CDH4: variants seen among roughly 807,000 people sequenced by gnomAD.
The protein encoded by CDH4 is cadherin-4.
A neutral mutation model predicts 86.0 loss-of-function variants in CDH4; 33 were observed. The observed-to-expected ratio is 0.38, with a 90% CI of 0.29 to 0.51. The LOEUF is 0.51. Among genes scored for constraint, CDH4 ranks in the 20% least tolerant of loss-of-function variants. CDH4 has a pLI of 0.86. For missense variants in CDH4, 1,114 were observed against 1,307.4 expected, an observed-to-expected ratio of 0.85 and a Z score of 2.28; for synonymous variants, 555 against 549.4, an observed-to-expected ratio of 1.01 and a Z score of -0.14.
At chr20:61,398,511 TAGG>T (rs1568829402) in intron 2 of CDH4, among the ~76,000 whole-genome samples, 1 of 151,928 alleles carries the variant, frequency 6.6e-6, no homozygotes, top group Non-Finnish European at 1.5e-5. Context: ...GGCTGATGGG[TAGG>T]AGGAGACCAG....
At chr20:61,774,610 C>T (rs978497547) in intron 4 of CDH4, among the ~76,000 whole-genome samples, 1 of 152,208 alleles carries the variant, frequency 6.6e-6, no homozygotes, top group Non-Finnish European at 1.5e-5. Flanking sequence ...TTTGCTGCCC[C>T]TGTCAACCCA....
At chr20:61,317,193 A>G (rs2084481457) in intron 2 of CDH4, among the ~76,000 whole-genome samples, 2 of 152,076 alleles carry the variant, frequency 1.3e-5, no homozygotes, top group African/African-American at 4.8e-5. Context: ...CCTGGCTAAC[A>G]CGGTGAAACC....
At chr20:61,303,942 G>A (rs1742742280) in intron 2 of CDH4, among the ~76,000 whole-genome samples, 1 of 152,116 alleles carries the variant, frequency 6.6e-6, no homozygotes, top group African/African-American at 2.4e-5. Context: ...AAATAATAGA[G>A]GCTACTTCGG....
chr20:61,764,076 G>C (rs1195973857), intron 3 of CDH4, among the ~76,000 whole-genome samples: 1 of 152,206 alleles, frequency 6.6e-6, no homozygotes, highest in Non-Finnish European at 1.5e-5. Flanking sequence ...TGCAGCCACA[G>C]CCAGTTACAG....
intron 2 of CDH4, among the ~76,000 whole-genome samples, chr20:61,313,860 C>T (rs1422795099): frequency 6.6e-6 from 1 of 152,188 alleles, no homozygotes; most frequent in Non-Finnish European, 1.5e-5. Context: ...CCTCAGCCTC[C>T]TGAGTAGCTA....
At chr20:61,584,608 C>T (rs368096574) in intron 2 of CDH4, among the ~76,000 whole-genome samples, 5 of 152,126 alleles carry the variant, frequency 3.3e-5, no homozygotes, top group African/African-American at 1.2e-4. Flanking sequence ...CTGGGGGCAC[C>T]TCGGTTGAAT....
rs970454702 is a variant in CDH4, at chr20:61,703,279, C to T, written c.170-40284C>T. Among the ~76,000 whole-genome samples the T allele has an allele frequency of 6.6e-6, 1 of 152,100 alleles. No individual in the cohort carries two copies. ...GCAGAGGCTGCTCTGAGCACAGAGA[C>T]CTGAGCATCATGAGGCATTCATCCT... On this transcript the variant is annotated intron_variant, in intron 2 of 15. Transcript: ENST00000614565. This position sits in a 1 kb window ranked among gnomAD's most constrained non-coding sequence, Gnocchi z 4.3.
At chr20:61,634,686 G>A (rs1020848740) in intron 2 of CDH4, among the ~76,000 whole-genome samples, 11 of 152,212 alleles carry the variant, frequency 7.2e-5, no homozygotes, top group Non-Finnish European at 1.3e-4. Flanking sequence ...ATAAGCGTTC[G>A]TTTTAACACT....
At chr20:61,874,972 G>A (rs1056643583) in intron 7 of CDH4, among the ~76,000 whole-genome samples, 9 of 152,314 alleles carry the variant, frequency 5.9e-5, no homozygotes, top group South Asian at 2.1e-4. Flanking sequence ...TTCTGAGTGC[G>A]TCACGGCCCT....
chr20:61,928,269 C>T lies in CDH4; in HGVS notation c.1851C>T (p.Pro617=), dbSNP rs1336671631. 3.1e-6 allele frequency: 5 copies of T among 1,609,370 alleles called. No individual in the cohort carries two copies. Among genetic ancestry groups the T allele is most frequent in the Middle Eastern group, 1.6e-4 (1 of 6,062 alleles). The change falls in exon 12 of 16, where the codon CCC becomes CCT. Residue 617 remains proline (P), a synonymous_variant. Coordinates refer to ENST00000614565, the MANE Select transcript of CDH4 (RefSeq NM_001794.5). ...DINDNAPELL[P]KEAQICEKPN... ...ACGACAACGCCCCTGAGCTGCTGCC[C>T]AAGGAGGCGCAGATCTGCGAGAAGC...
chr20:61,793,525 A>G (rs1979329393), intron 4 of CDH4, among the ~76,000 whole-genome samples: 3 of 152,066 alleles, frequency 2.0e-5, no homozygotes, highest in South Asian at 2.1e-4. Flanking sequence ...CTCCCTGGAC[A>G]GTCATTTTCA....
rs1026674629 is a variant in CDH4, at chr20:61,623,630, A to G, written c.170-119933A>G. 4.6e-5 allele frequency among the ~76,000 whole-genome samples: 7 copies of G among 152,220 alleles called. No homozygotes were observed. Among genetic ancestry groups the G allele is most frequent in the Admixed American group, 3.9e-4 (6 of 15,282 alleles). ...CATGAGCATCATTCGTGCAAAGTGCATCACAGCTGATTCTGAGGGAGGTTC... is the reference window on the plus strand; with the variant it reads ...CATGAGCATCATTCGTGCAAAGTGCGTCACAGCTGATTCTGAGGGAGGTTC... On this transcript the variant is annotated intron_variant, in intron 2 of 15. Transcript: ENST00000614565. This position sits in a 1 kb window ranked among gnomAD's most constrained non-coding sequence, Gnocchi z 4.4.
intron 2 of CDH4, among the ~76,000 whole-genome samples, chr20:61,725,799 G>A (rs1313077586): frequency 2.0e-5 from 3 of 152,064 alleles, no homozygotes; most frequent in Non-Finnish European, 4.4e-5. Context: ...GAGGGGAGGT[G>A]GCCTCTCAGG....
chr20:61,670,270 G>A (rs1379972237), intron 2 of CDH4, among the ~76,000 whole-genome samples: 1 of 152,218 alleles, frequency 6.6e-6, no homozygotes, highest in African/African-American at 2.4e-5. Context: ...TCACCCCCAT[G>A]CTGGTCCCCA....
chr20:61,593,136 G>A (rs891904773), intron 2 of CDH4, among the ~76,000 whole-genome samples: 13 of 152,200 alleles, frequency 8.5e-5, no homozygotes, highest in African/African-American at 1.7e-4. Flanking sequence ...AGAACTGTAC[G>A]GTAATGCTTG....
chr20:61,408,980 T>A (rs964447830), intron 2 of CDH4, among the ~76,000 whole-genome samples: 4 of 152,236 alleles, frequency 2.6e-5, no homozygotes, highest in Admixed American at 2.6e-4. Context: ...TCTCTGCTTT[T>A]CAATGTGGCG....
intron 2 of CDH4, among the ~76,000 whole-genome samples, chr20:61,327,615 A>T (rs2084543598): frequency 6.6e-6 from 1 of 152,212 alleles, no homozygotes; most frequent in Admixed American, 6.5e-5. Context: ...GGCTGTAGGG[A>T]AATCGATTCT....
At chr20:61,666,088 T>A (rs540128539) in intron 2 of CDH4, among the ~76,000 whole-genome samples, 2 of 152,250 alleles carry the variant, frequency 1.3e-5, no homozygotes, top group East Asian at 3.9e-4. Context: ...CACTTGTGTT[T>A]TCCAAAACGG....
chr20:61,342,867 T>C (rs189634352), intron 2 of CDH4, among the ~76,000 whole-genome samples: 1 of 152,388 alleles, frequency 6.6e-6, no homozygotes, highest in African/African-American at 2.4e-5. Flanking sequence ...TGTTTTAAAG[T>C]TCTGTGCGGC....
Sources: allele counts gnomAD v4.1 joint callset (sites outside exome capture counted in the v4.1 genomes callset), GRCh38; gene constraint gnomAD v4.1.1; non-coding constraint Gnocchi (gnomAD v3.1); transcripts MANE v1.5; gene names NCBI Gene and HGNC (gene_info 2026-07-23, HGNC 2026-07-21).